Variants in SERPINI2 observed in about 807,000 individuals in gnomAD.
SERPINI2 encodes serpin I2.
Under a neutral mutation model 47.3 loss-of-function variants are expected in SERPINI2, and 48 were observed. The observed-to-expected ratio is 1.02, with a 90% CI of 0.81 to 1.29. The LOEUF (loss-of-function observed/expected upper bound fraction) is 1.29. Among genes scored for constraint, SERPINI2 ranks in the 50% most tolerant of loss-of-function variants. SERPINI2 has a pLI of 0.00. For missense variants in SERPINI2, 448 were observed against 456.9 expected (o/e 0.98, Z 0.18); for synonymous variants, 135 against 149.3 (o/e 0.90, Z 0.70).
chr3:167,442,885 C>T (rs1462960738), intron 8 of SERPINI2, among the ~76,000 whole-genome samples: 9 of 152,130 alleles, frequency 5.9e-5, no homozygotes, highest in Admixed American at 1.3e-4. Flanking sequence ...TCAAATGTTG[C>T]CTTAAGTTCC....
chr3:167,443,412 T>A (rs1749385660), intron 8 of SERPINI2, among the ~76,000 whole-genome samples: 1 of 152,198 alleles, frequency 6.6e-6, no homozygotes, highest in Non-Finnish European at 1.5e-5. Flanking sequence ...TGGCCCAGAT[T>A]TTACTTTTTA....
intron 2 of SERPINI2, among the ~76,000 whole-genome samples, chr3:167,468,073 T>C (rs904625580): frequency 2.6e-5 from 4 of 152,166 alleles, no homozygotes; most frequent in Non-Finnish European, 5.9e-5. Context: ...TCCTGTTCAT[T>C]GCAAAAGTGT....
chr3:167,474,700 C>G (rs1750440090), upstream of SERPINI2, among the ~76,000 whole-genome samples: 1 of 151,628 alleles, frequency 6.6e-6, no homozygotes, highest in Non-Finnish European at 1.5e-5. Context: ...ATTGCTGTTA[C>G]CTTTATGTGC....
chr3:167,451,409 T>C (rs1037728736), intron 6 of SERPINI2, among the ~76,000 whole-genome samples: 4 of 152,230 alleles, frequency 2.6e-5, no homozygotes, highest in Admixed American at 1.3e-4. Context: ...TTGGGCTGCT[T>C]CATAGTAGCC....
intron 8 of SERPINI2, among the ~76,000 whole-genome samples, chr3:167,445,896 T>G (rs1749465260): frequency 6.6e-6 from 1 of 152,154 alleles, no homozygotes; most frequent in African/African-American, 2.4e-5. Flanking sequence ...AGTTGAAGAT[T>G]TGAAATTACC....
Position 167,470,550 on chromosome 3 carries a change from C to CTTT in SERPINI2, c.247+1035_247+1037dup, listed in dbSNP as rs536884425. Among the ~76,000 whole-genome samples, 194 of 93,024 alleles carry CTTT rather than the reference C, an allele frequency of 2.1e-3. 18 individuals are homozygous for CTTT. Among genetic ancestry groups the CTTT allele is most frequent in the African/African-American group, 6.4e-3 (112 of 17,620 alleles). The allele number at this position is 93,024 out of a possible 152,430, so 61.0% of individuals were successfully genotyped here. Reference sequence around the variant, plus strand: ...AGATAGCTGAGGAGATGAGCAACAACTTTTTTTTTTTTTTTTTTTTTTTTT... The same window carrying CTTT: ...AGATAGCTGAGGAGATGAGCAACAACTTTTTTTTTTTTTTTTTTTTTTTTTTTT... On this transcript the variant is annotated intron_variant, in intron 2 of 8. Coordinates refer to ENST00000264677, the Ensembl canonical transcript of SERPINI2.
chr3:167,461,773 A>G (rs1012632421), intron 5 of SERPINI2, among the ~76,000 whole-genome samples: 2 of 151,872 alleles, frequency 1.3e-5, no homozygotes, highest in Non-Finnish European at 2.9e-5. Flanking sequence ...ACCGTGTCCA[A>G]CTAATGTTTT....
rs748203874 is a variant in SERPINI2 at position 167,449,406 on chromosome 3, G to C, written c.965-4C>G. The stretch of plus-strand genomic sequence containing the variant: ...GAAACATACACTTCAGATGAATCTG[G>C]TTAAAAAAAAATACACAAAAGTGTA... On this transcript the variant is annotated splice_polypyrimidine_tract_variant and splice_region_variant and intron_variant, in intron 6 of 8. Transcript: ENST00000264677. 2.5e-6 allele frequency: 4 copies of C among 1,581,080 alleles called. No individual in the cohort carries two copies. The highest frequency in any genetic ancestry group is 3.3e-4 in the Middle Eastern group (2 of 5,976).
chr3:167,461,266 AT>A (rs796720467), intron 5 of SERPINI2, among the ~76,000 whole-genome samples: 71 of 152,326 alleles, frequency 4.7e-4, no homozygotes, highest in African/African-American at 1.7e-3. Context: ...TAAAGCCGTC[AT>A]TTATTTAGCA....
exon 8 of SERPINI2, chr3:167,446,479 T>G (rs1305050149): frequency 6.9e-6 from 11 of 1,583,926 alleles, no homozygotes; most frequent in Non-Finnish European, 9.5e-6. Flanking sequence ...GGGATGTGTA[T>G]GCCTATAAAA....
At chr3:167,463,502 T>G (rs1030142143) in intron 5 of SERPINI2, among the ~76,000 whole-genome samples, 2 of 151,722 alleles carry the variant, frequency 1.3e-5, no homozygotes, top group Non-Finnish European at 2.9e-5. Context: ...TAGAAGTAAG[T>G]CAAGGAGCAG....
intron 7 of SERPINI2, among the ~76,000 whole-genome samples, chr3:167,448,169 T>C (rs1749531910): frequency 6.6e-6 from 1 of 152,230 alleles, no homozygotes; most frequent in Admixed American, 6.5e-5. Context: ...ACAGATGCTA[T>C]TTAAAATGTC....
At chr3:167,446,526 AT>A in intron 7 of SERPINI2, 45 bp from the exon 8 acceptor site, 1 of 1,233,456 alleles carries the variant, frequency 8.1e-7, no homozygotes, top group Admixed American at 1.9e-5. Context: ...GCATTAAAAG[AT>A]CAGTAAAGAA....
intron 2 of SERPINI2, among the ~76,000 whole-genome samples, chr3:167,467,537 T>C (rs749818673): frequency 1.6e-4 from 25 of 152,132 alleles, no homozygotes; most frequent in Non-Finnish European, 3.7e-4. Flanking sequence ...AAAAAAAGAA[T>C]ATGCATTTAT....
At chr3:167,457,546 TG>T (rs1359354266) in intron 5 of SERPINI2, among the ~76,000 whole-genome samples, 2 of 152,250 alleles carry the variant, frequency 1.3e-5, no homozygotes, top group African/African-American at 4.8e-5. Context: ...GTTGTTGCAG[TG>T]GTTTTTTAAC....
chr3:167,449,317 A>G, exon 7 of SERPINI2: 1 of 1,608,272 alleles, frequency 6.2e-7, no homozygotes, highest in East Asian at 2.2e-5. Flanking sequence ...TCACCCTACC[A>G]GTTGATGTTG....
At chr3:167,469,479 G>A (rs1750244681) in intron 2 of SERPINI2, 1 of 152,170 alleles carries the variant, frequency 6.6e-6, no homozygotes, top group African/African-American at 2.4e-5. Context: ...GAGGCCCAGA[G>A]AGATTAAGAA....
intron 2 of SERPINI2, 44 bp downstream of exon 2, chr3:167,471,544 T>C (rs747400120): frequency 1.3e-6 from 2 of 1,572,238 alleles, no homozygotes; most frequent in Non-Finnish European, 1.7e-6. Flanking sequence ...AATGAATGCG[T>C]CCATATCTTA....
intron 5 of SERPINI2, among the ~76,000 whole-genome samples, chr3:167,460,545 AG>A (rs200374713): frequency 2.0e-5 from 3 of 152,334 alleles, no homozygotes; most frequent in African/African-American, 7.2e-5. Context: ...TTAGTAAAAA[AG>A]TGAATGCATT....
Sources: allele counts gnomAD v4.1 joint callset (sites outside exome capture counted in the v4.1 genomes callset), GRCh38; gene constraint gnomAD v4.1.1; transcripts MANE v1.5; gene names NCBI Gene and HGNC (gene_info 2026-07-23, HGNC 2026-07-21).